The following PRKG1 variants were observed in gnomAD, a reference collection of about 807,000 sequenced individuals.
The protein encoded by PRKG1 is cGMP-dependent protein kinase 1.
In PRKG1, 35 loss-of-function variants were observed where a neutral mutation model predicts 88.1. That is an observed-to-expected ratio of 0.40 (90% CI 0.30 to 0.53). PRKG1 has a LOEUF of 0.53. PRKG1 is among the 20% of genes least tolerant of loss of function. The pLI is 0.59. For missense variants in PRKG1, 540 were observed against 839.8 expected (o/e 0.64, Z 4.41); for synonymous variants, 303 against 292.5 (o/e 1.04, Z -0.37).
At chr10:51,299,373 G>GT in intron 2 of PRKG1, among the ~76,000 whole-genome samples, 1 of 151,896 alleles carries the variant, frequency 6.6e-6, no homozygotes, top group Non-Finnish European at 1.5e-5. Flanking sequence ...GCCTGGCTAA[G>GT]TTTTGTAATT....
intron 3 of PRKG1, among the ~76,000 whole-genome samples, chr10:51,789,362 G>A (rs1331696158): frequency 6.6e-6 from 1 of 152,166 alleles, no homozygotes; most frequent in East Asian, 1.9e-4. Flanking sequence ...GCTTGCCAGA[G>A]GCTGAAGCTT....
intron 1 of PRKG1, among the ~76,000 whole-genome samples, chr10:51,016,822 C>T (rs939620462): frequency 6.6e-6 from 1 of 150,890 alleles, no homozygotes; most frequent in African/African-American, 2.4e-5. Context: ...GTGTTTGCCA[C>T]CACACCCAGC....
At chr10:51,092,832 A>G (rs1844431034) in intron 1 of PRKG1, among the ~76,000 whole-genome samples, 1 of 152,224 alleles carries the variant, frequency 6.6e-6, no homozygotes, top group Non-Finnish European at 1.5e-5. Flanking sequence ...AGATTCAGTT[A>G]CAGATTTTTA....
intron 3 of PRKG1, chr10:51,699,625 CA>C (rs1841411104): frequency 1.3e-6 from 2 of 1,501,270 alleles, no homozygotes; most frequent in East Asian, 4.5e-5. Flanking sequence ...TTCCGCTGAG[CA>C]ACGGAAGCGG....
At chr10:51,087,694 G>C (rs1844289057) in intron 1 of PRKG1, among the ~76,000 whole-genome samples, 1 of 152,148 alleles carries the variant, frequency 6.6e-6, no homozygotes, top group East Asian at 1.9e-4. Flanking sequence ...CTCTTTTAGA[G>C]ACTAGCGTGC....
intron 4 of PRKG1, among the ~76,000 whole-genome samples, chr10:51,864,475 G>A (rs1840965872): frequency 6.6e-6 from 1 of 152,212 alleles, no homozygotes; most frequent in African/African-American, 2.4e-5. Flanking sequence ...AAGCTAATCT[G>A]TTGACTCTCA....
intron 2 of PRKG1, among the ~76,000 whole-genome samples, chr10:51,443,431 G>A (rs376131871): frequency 3.9e-5 from 6 of 152,052 alleles, no homozygotes; most frequent in African/African-American, 1.4e-4. Flanking sequence ...GTCATCTGAA[G>A]GCGTGCATTA....
At chr10:52,090,132 A>G (rs1307653903) in intron 7 of PRKG1, among the ~76,000 whole-genome samples, 1 of 151,912 alleles carries the variant, frequency 6.6e-6, no homozygotes, top group East Asian at 1.9e-4. Context: ...GTTTCTAAAT[A>G]CCATTACTCC....
At chr10:51,059,837 G>T (rs1843674267) in intron 1 of PRKG1, among the ~76,000 whole-genome samples, 1 of 152,038 alleles carries the variant, frequency 6.6e-6, no homozygotes, top group African/African-American at 2.4e-5. Flanking sequence ...CGTTTGTTAA[G>T]TATATTGTTT....
At chr10:51,934,971 G>A (rs1430538330) in intron 5 of PRKG1, among the ~76,000 whole-genome samples, 2 of 152,058 alleles carry the variant, frequency 1.3e-5, no homozygotes, top group African/African-American at 4.8e-5. Flanking sequence ...ATGAGGTGGG[G>A]GCTTAGAAGA....
chr10:51,660,481 G>T (rs1564594668), intron 3 of PRKG1, among the ~76,000 whole-genome samples: 1 of 151,466 alleles, frequency 6.6e-6, no homozygotes, highest in Non-Finnish European at 1.5e-5. Flanking sequence ...AAGGTATCAC[G>T]GTATATTAAG....
intron 2 of PRKG1, among the ~76,000 whole-genome samples, chr10:51,287,887 C>T (rs751771264): frequency 3.3e-5 from 5 of 151,960 alleles, no homozygotes; most frequent in African/African-American, 1.2e-4. Flanking sequence ...AAGATTTGTT[C>T]TTTACTCCTA....
intron 3 of PRKG1, among the ~76,000 whole-genome samples, chr10:51,682,894 G>A (rs1472568350): frequency 6.6e-6 from 1 of 152,082 alleles, no homozygotes; most frequent in South Asian, 2.1e-4. Flanking sequence ...TTACCTACCT[G>A]TTCCAAAAGG....
intron 5 of PRKG1, among the ~76,000 whole-genome samples, chr10:52,009,464 C>G (rs1010800406): frequency 6.6e-6 from 1 of 151,926 alleles, no homozygotes; most frequent in South Asian, 2.1e-4. Context: ...TACAGCTAAC[C>G]AGGAAGGTGA....
intron 5 of PRKG1, among the ~76,000 whole-genome samples, chr10:51,932,016 T>C (rs1842704685): frequency 6.6e-6 from 1 of 152,154 alleles, no homozygotes; most frequent in African/African-American, 2.4e-5. Flanking sequence ...AAAGCAATTT[T>C]CTCTGCTGAC....
intron 7 of PRKG1, among the ~76,000 whole-genome samples, chr10:52,075,895 T>G (rs1338613405): frequency 6.6e-6 from 1 of 152,172 alleles, no homozygotes; most frequent in Non-Finnish European, 1.5e-5. Flanking sequence ...CCCACTTTCA[T>G]GACCTCATCT....
chr10:51,004,678 A>G (rs1046930164), intron 1 of PRKG1, among the ~76,000 whole-genome samples: 10 of 152,002 alleles, frequency 6.6e-5, no homozygotes, highest in Non-Finnish European at 1.3e-4. Flanking sequence ...TTTACTTTTC[A>G]GGTTTATAAA....
chr10:51,478,523 T>C (rs1348938814), intron 3 of PRKG1, among the ~76,000 whole-genome samples: 1 of 152,118 alleles, frequency 6.6e-6, no homozygotes, highest in Non-Finnish European at 1.5e-5. Flanking sequence ...CCTTAATTTA[T>C]AGACAAAATC....
chr10:51,908,658 T>A (rs977259986), intron 5 of PRKG1: 1 of 151,316 alleles, frequency 6.6e-6, no homozygotes, highest in Non-Finnish European at 1.5e-5. Flanking sequence ...TTGTTCACTG[T>A]GGGAGAAGGA....
Sources: gnomAD v4.1 joint callset for allele counts (sites outside exome capture counted in the v4.1 genomes callset) on GRCh38, gnomAD v4.1.1 for gene constraint, MANE v1.5 for transcripts, NCBI Gene and HGNC (gene_info 2026-07-23, HGNC 2026-07-21) for gene names.